The following DDX60 variants were observed in gnomAD, a reference collection of about 807,000 sequenced individuals.
DDX60 encodes DExD/H-box helicase 60.
Under a neutral mutation model 212.8 loss-of-function variants are expected in DDX60, and 165 were observed. The ratio of observed to expected loss-of-function variants is 0.78; its 90% CI spans 0.68 to 0.88. The LOEUF (loss-of-function observed/expected upper bound fraction) is 0.88, where lower values mean the gene tolerates loss of function less well. DDX60 is among the 40% of genes least tolerant of loss of function. The probability of loss-of-function intolerance (pLI) is 0.00; values close to 1 mark genes in which losing one functional copy is unlikely to be tolerated. For synonymous variants in DDX60, 703 were observed against 685.3 expected (o/e 1.03, Z -0.40); for missense variants, 1,905 against 2,003.9 (o/e 0.95, Z 0.94).
upstream of DDX60, among the ~76,000 whole-genome samples, chr4:168,323,119 C>A (rs1191301823): frequency 6.6e-6 from 1 of 152,264 alleles, no homozygotes; most frequent in East Asian, 1.9e-4. Flanking sequence ...TCACATGGAG[C>A]AAGCACATGA....
At chr4:168,304,761 CA>C (rs534581063) in intron 5 of DDX60, among the ~76,000 whole-genome samples, 1 of 151,450 alleles carries the variant, frequency 6.6e-6, no homozygotes, top group African/African-American at 2.4e-5. Context: ...GTACAGCTGT[CA>C]AAAAAATTTT....
chr4:168,239,085 T>C (rs758792336), intron 30 of DDX60, among the ~76,000 whole-genome samples: 3 of 152,184 alleles, frequency 2.0e-5, no homozygotes, highest in Admixed American at 6.5e-5. Flanking sequence ...TCAAATCTTC[T>C]TAAGAAAAAT....
intron 6 of DDX60, among the ~76,000 whole-genome samples, chr4:168,295,971 T>C (rs576937697): frequency 6.6e-6 from 1 of 152,218 alleles, no homozygotes; most frequent in East Asian, 1.9e-4. Flanking sequence ...CTCATAGAAA[T>C]AGAGAAGAGA....
intron 6 of DDX60, among the ~76,000 whole-genome samples, chr4:168,296,520 C>A (rs539309568): frequency 6.6e-6 from 1 of 152,090 alleles, no homozygotes; most frequent in Non-Finnish European, 1.5e-5. Flanking sequence ...CACCCACTAC[C>A]AAACAAATAA....
At chr4:168,226,846 A>G (rs1733272195) in intron 33 of DDX60, among the ~76,000 whole-genome samples, 2 of 152,110 alleles carry the variant, frequency 1.3e-5, no homozygotes, top group South Asian at 4.1e-4. Context: ...AATTGAACTT[A>G]TGCAGATAGA....
chr4:168,297,467 A>C (rs1338416866), intron 6 of DDX60, among the ~76,000 whole-genome samples: 1 of 152,170 alleles, frequency 6.6e-6, no homozygotes, highest in Non-Finnish European at 1.5e-5. Flanking sequence ...AGAAATAAAG[A>C]ATAAGTTACA....
chr4:168,268,023 G>C, intron 20 of DDX60, 40 bp from the exon 21 acceptor site: 1 of 1,537,160 alleles, frequency 6.5e-7, no homozygotes, highest in Non-Finnish European at 8.9e-7. Flanking sequence ...GCAGAACATG[G>C]AACTACTTCC....
At chr4:168,300,085 T>C (rs1736581281) in intron 6 of DDX60, among the ~76,000 whole-genome samples, 1 of 152,124 alleles carries the variant, frequency 6.6e-6, no homozygotes, top group East Asian at 1.9e-4. Flanking sequence ...TATTAAGAAG[T>C]AATAAACTAT....
At chr4:168,313,767 G>A (rs190669435) in intron 1 of DDX60, among the ~76,000 whole-genome samples, 37 of 152,162 alleles carry the variant, frequency 2.4e-4, no homozygotes, top group Non-Finnish European at 3.7e-4. Context: ...ATAGCTAACC[G>A]TTTCATTTAT....
chr4:168,277,110 G>A (rs745777058), intron 14 of DDX60, among the ~76,000 whole-genome samples: 11 of 152,178 alleles, frequency 7.2e-5, no homozygotes, highest in Non-Finnish European at 8.8e-5. Context: ...TTCACTTGCC[G>A]TGAGTTTACA....
In DDX60 at chr4:168,309,384, T is replaced by G. The variant is rs145524903; in HGVS notation, c.75-1189A>C. ...CATAGATTGATGCTTGCAGCTATAG[T>G]TGCCCACCACTTCCAGATAAATAAA... On this transcript the variant is annotated intron_variant, in intron 3 of 37. Transcript: ENST00000393743. Among the ~76,000 whole-genome samples the G allele has an allele frequency of 3.3e-3, 501 of 152,312 alleles. 2 individuals carry two copies. The highest frequency in any genetic ancestry group is 9.3e-3 in the African/African-American group (386 of 41,564).
chr4:168,274,465 C>G (rs1735241224), intron 16 of DDX60, among the ~76,000 whole-genome samples: 1 of 152,170 alleles, frequency 6.6e-6, no homozygotes, highest in Non-Finnish European at 1.5e-5. Flanking sequence ...TACTGATATT[C>G]TACTTTCTAC....
At chr4:168,231,861 C>T (rs1281156077) in intron 33 of DDX60, among the ~76,000 whole-genome samples, 1 of 151,896 alleles carries the variant, frequency 6.6e-6, no homozygotes, top group East Asian at 1.9e-4. Context: ...AAGTCCTAAC[C>T]AGAGCAATCA....
At chr4:168,313,704 C>T (rs746853200) in intron 1 of DDX60, among the ~76,000 whole-genome samples, 2 of 152,150 alleles carry the variant, frequency 1.3e-5, no homozygotes, top group African/African-American at 2.4e-5. Context: ...CAGATGTTCA[C>T]GATGCTCTTA....
chr4:168,237,235 T>C, intron 32 of DDX60, 51 bp downstream of exon 32: 1 of 1,253,822 alleles, frequency 8.0e-7, no homozygotes, highest in Non-Finnish European at 1.0e-6. Context: ...ACAAATCTGT[T>C]GCTATTTTTG....
In DDX60 at chr4:168,280,479, AT is replaced by A; in HGVS notation, c.1833del (p.Gln611HisfsTer2). ...ATTCCAGAGTGTAAATTTTCTTTCA[AT>A]TGCTCTTCAATAGAAAATGACAAAG... is the stretch of plus-strand genomic sequence containing the variant. ...WNALSFSIEE[Q>X]LKENLHSGIK... On this transcript the variant is annotated frameshift_variant, in exon 14 of 38. Coordinates refer to ENST00000393743, the MANE Select transcript of DDX60 (RefSeq NM_017631.6). LOFTEE classifies it high-confidence loss of function. 6.2e-7 allele frequency: 1 copy of A among 1,614,128 alleles called. No homozygotes were observed. Among genetic ancestry groups the A allele is most frequent in the South Asian group, 1.1e-5 (1 of 91,082 alleles).
intron 10 of DDX60, among the ~76,000 whole-genome samples, chr4:168,286,759 G>C (rs1459643391): frequency 6.6e-6 from 1 of 152,058 alleles, no homozygotes. Flanking sequence ...TTTACACAAA[G>C]AGATTTTTCT....
rs747089851 is a variant in DDX60, at chr4:168,216,994, T to C, written c.5078A>G (p.Asn1693Ser). 4 of 1,605,284 alleles carry C rather than the reference T, an allele frequency of 2.5e-6. No homozygotes were observed. The highest frequency in any genetic ancestry group is 2.7e-5 in the African/African-American group (2 of 74,374). The change falls in exon 38 of 38, where the codon AAC becomes AGC. Residue 1693 changes from asparagine (N) to serine (S), a missense_variant. By Grantham distance (46) the Asn-to-Ser change is conservative. Transcript: ENST00000393743. Reference sequence around the variant, plus strand: ...CAGTTGTTCAAAGGCTAAGACAACGTTGTCGTCTTCATTTTCACATAGCTC... The same window carrying C: ...CAGTTGTTCAAAGGCTAAGACAACGCTGTCGTCTTCATTTTCACATAGCTC... ...LRELCENEDD[N>S]VVLAFEQLST...
chr4:168,319,904 C>T (rs2149562787), upstream of DDX60, among the ~76,000 whole-genome samples: 1 of 152,176 alleles, frequency 6.6e-6, no homozygotes, highest in Non-Finnish European at 1.5e-5. Context: ...ATTAGAGAGT[C>T]AAGTTGTTAA....
Sources: gnomAD v4.1 joint callset for allele counts (sites outside exome capture counted in the v4.1 genomes callset) on GRCh38, gnomAD v4.1.1 for gene constraint, MANE v1.5 for transcripts, NCBI Gene and HGNC (gene_info 2026-07-23, HGNC 2026-07-21) for gene names.